C2CD3: variants seen among roughly 807,000 people sequenced by gnomAD.
C2CD3 encodes C2 domain containing 3 centriole elongation regulator.
Under a neutral mutation model 234.0 loss-of-function variants are expected in C2CD3, and 148 were observed. That is an observed-to-expected ratio of 0.63 (90% confidence interval 0.55 to 0.72). C2CD3 has a LOEUF of 0.72. Ranked by LOEUF, C2CD3 falls within the 30% of genes least tolerant of loss-of-function variation. C2CD3 has a pLI of 0.00. For synonymous variants in C2CD3, 1,000 were observed against 1,035.4 expected (o/e 0.97, Z 0.66); for missense variants, 2,577 against 2,811.5 (o/e 0.92, Z 1.89).
chr11:74,116,977 T>TGTAC (rs1956984198), intron 9 of C2CD3, among the ~76,000 whole-genome samples: 3 of 122,416 alleles, frequency 2.5e-5, no homozygotes, highest in African/African-American at 9.2e-5. Context: ...CATATACACG[T>TGTAC]ATATATACAC....
At chr11:74,091,827 C>T (rs1955903708) in intron 19 of C2CD3, among the ~76,000 whole-genome samples, 1 of 152,046 alleles carries the variant, frequency 6.6e-6, no homozygotes, top group Admixed American at 6.6e-5. Flanking sequence ...AGACAAGCAA[C>T]ATTTACATAG....
In C2CD3 at chr11:74,026,783, C is replaced by A. The variant is rs536963433; in HGVS notation, c.6921+1504G>T. On this transcript the variant is annotated intron_variant, in intron 32 of 32. Transcript: ENST00000334126. ...AAGAGATTGAGACCATCCTGGCCAACATGGTGAAACCCTGTCTCTACTAAA... is the reference window on the plus strand; with the variant it reads ...AAGAGATTGAGACCATCCTGGCCAAAATGGTGAAACCCTGTCTCTACTAAA... 1.4e-3 allele frequency among the ~76,000 whole-genome samples: 206 copies of A among 152,026 alleles called. 1 individual carries two copies. Among genetic ancestry groups the A allele is most frequent in the African/African-American group, 4.4e-3 (182 of 41,448 alleles).
At chr11:74,150,087 C>A (rs546929124) in intron 3 of C2CD3, among the ~76,000 whole-genome samples, 4 of 151,252 alleles carry the variant, frequency 2.6e-5, no homozygotes, top group African/African-American at 9.7e-5. Context: ...TAAAATGTCA[C>A]AATGATATAA....
chr11:74,034,003 T>A lies in C2CD3; in HGVS notation c.6157A>T (p.Thr2053Ser). The change falls in exon 31 of 33, where the codon ACT becomes TCT. Residue 2053 changes from threonine (T) to serine (S), a missense_variant. Coordinates refer to ENST00000334126, the MANE Select transcript of C2CD3 (RefSeq NM_001286577.2). The part of the protein sequence containing the change: ...PITRMQSSED[T>S]EAGPAYSDED... ...TCACTGTAGGCTGGGCCTGCCTCAG[T>A]GTCTTCACTGCTCTGCATCCTTGTA... The A allele has an allele frequency of 6.5e-7, 1 of 1,536,542 alleles. No individual in the cohort carries two copies. The highest frequency in any genetic ancestry group is 8.7e-7 in the Non-Finnish European group (1 of 1,146,998).
rs987254586 is a variant in C2CD3 at position 74,055,677 on chromosome 11, C to T, written c.5091-1006G>A. 2.0e-5 allele frequency among the ~76,000 whole-genome samples: 3 copies of T among 152,332 alleles called. No homozygotes were observed. The East Asian group carries it at 5.8e-4, about 29-fold the overall frequency. ...GGCCATGCACTTAGCTTCTTCCAGG[C>T]CTGGTTCTCTTACCTGTTAAATGGG... is the stretch of plus-strand genomic sequence containing the variant. On this transcript the variant is annotated intron_variant, in intron 25 of 32. Coordinates refer to ENST00000334126, the MANE Select transcript of C2CD3 (RefSeq NM_001286577.2).
intron 5 of C2CD3, among the ~76,000 whole-genome samples, chr11:74,137,762 T>A (rs1240162953): frequency 6.6e-6 from 1 of 151,750 alleles, no homozygotes; most frequent in Admixed American, 6.6e-5. Flanking sequence ...TTTTTTGTAT[T>A]TTTAGTAGAG....
intron 3 of C2CD3, among the ~76,000 whole-genome samples, chr11:74,154,765 C>T (rs1855899753): frequency 6.6e-6 from 1 of 151,952 alleles, no homozygotes; most frequent in Admixed American, 6.6e-5. Flanking sequence ...GGTGATGAGC[C>T]AGATTTGGCT....
Position 74,085,868 on chromosome 11 carries a change from T to C in C2CD3, c.3660A>G (p.Glu1220=). Residue 1220 remains glutamate (E), a synonymous_variant, in exon 21 of 33, where the codon GAA becomes GAG. Coordinates refer to ENST00000334126, the MANE Select transcript of C2CD3 (RefSeq NM_001286577.2). The stretch of plus-strand genomic sequence containing the variant: ...CTGTGGCACTAAACTGTAGAGCGGG[T>C]TCCCGTTCAGCCAAAGCCCTGTAGA... ...QAAAKALAER[E]PALQFSATVG... The C allele has an allele frequency of 6.2e-7, 1 of 1,613,186 alleles. No individual in the cohort carries two copies. The highest frequency in any genetic ancestry group is 8.5e-7 in the Non-Finnish European group (1 of 1,179,330).
intron 10 of C2CD3, 50 bp from the exon 11 acceptor site, chr11:74,113,942 T>C (rs758782956): frequency 4.5e-6 from 5 of 1,106,592 alleles, no homozygotes; most frequent in Non-Finnish European, 6.6e-6. Context: ...ATAAACCTAA[T>C]TTCCGTCTGA....
chr11:74,159,548 TA>T (rs894504162), intron 3 of C2CD3, among the ~76,000 whole-genome samples: 52 of 150,014 alleles, frequency 3.5e-4, no homozygotes, highest in Middle Eastern at 3.4e-3. Flanking sequence ...TTTAAAGAGT[TA>T]AAAAAAAATG....
At chr11:74,062,562 T>TTC (rs1954297331) in intron 24 of C2CD3, among the ~76,000 whole-genome samples, 2 of 152,148 alleles carry the variant, frequency 1.3e-5, no homozygotes, top group South Asian at 4.1e-4. Flanking sequence ...AATAAAGATG[T>TTC]TCTTTGAAAC....
chr11:74,116,876 A>ATATGTGTATATACACGTGTATATGTG (rs1956960490), intron 9 of C2CD3, among the ~76,000 whole-genome samples: 1 of 132,140 alleles, frequency 7.6e-6, no homozygotes, highest in African/African-American at 2.8e-5. Context: ...GTGTATATGT[A>ATATGTGTATATACACGTGTATATGTG]TATATACACA....
chr11:74,148,432 A>ATG (rs1476292467), intron 3 of C2CD3, among the ~76,000 whole-genome samples: 32 of 151,702 alleles, frequency 2.1e-4, no homozygotes, highest in Admixed American at 2.0e-3. Context: ...TATACCTTAT[A>ATG]TGTGTGTATA....
chr11:74,116,975 C>CGTATATACACACATATACGTGTATAT (rs1956983615), intron 9 of C2CD3, among the ~76,000 whole-genome samples: 1 of 70,770 alleles, frequency 1.4e-5, no homozygotes, highest in Non-Finnish European at 3.8e-5. Context: ...CACATATACA[C>CGTATATACACACATATACGTGTATAT]GTATATATAC....
In C2CD3 at chr11:74,090,705, G is replaced by A. The variant is rs988147078; in HGVS notation, c.3641+108C>T. On this transcript the variant is annotated intron_variant, in intron 20 of 32. Coordinates refer to ENST00000334126, the MANE Select transcript of C2CD3 (RefSeq NM_001286577.2). ...TATTAACAGAAAAAGAGGAGTTGTG[G>A]TTAGTGAACTGGAAATTATACCTAA... is the stretch of plus-strand genomic sequence containing the variant. 7.6e-6 allele frequency: 9 copies of A among 1,179,918 alleles called. No homozygotes were observed. The African/African-American group carries it at 1.2e-4, about 16-fold the overall frequency. The allele number at this position is 1,179,918 out of a possible 1,614,324, so 73.1% of individuals were successfully genotyped here.
Position 74,067,289 on chromosome 11 carries a change from G to A in C2CD3, c.4951+6964C>T, listed in dbSNP as rs374106836. ...AGCCTTGGAAGGAAGATCTAGTGGCGTCCACAAAGCAGGAGAGAACTGAGG... is the reference window on the plus strand; with the variant it reads ...AGCCTTGGAAGGAAGATCTAGTGGCATCCACAAAGCAGGAGAGAACTGAGG... On this transcript the variant is annotated intron_variant, in intron 24 of 32. Transcript: ENST00000334126. Among the ~76,000 whole-genome samples the A allele has an allele frequency of 3.9e-5, 6 of 152,112 alleles. No individual in the cohort carries two copies. In the East Asian group the frequency reaches 7.7e-4, roughly 20 times the overall value.
At chr11:74,048,464 CT>C in intron 27 of C2CD3, 126 bp from the exon 28 acceptor site, 2 of 851,730 alleles carry the variant, frequency 2.3e-6, no homozygotes, top group Admixed American at 5.6e-5. Flanking sequence ...GTGTTAAACA[CT>C]GTGCTAAACA....
At chr11:74,048,162 A>G (rs1417313465) in intron 28 of C2CD3, 43 bp downstream of exon 28, 1 of 1,600,218 alleles carries the variant, frequency 6.2e-7, no homozygotes, top group Admixed American at 1.7e-5. Flanking sequence ...ACACACTTCC[A>G]TTTTTTAACC....
chr11:74,015,438 C>T (rs978308535), intron 32 of C2CD3, among the ~76,000 whole-genome samples: 7 of 152,198 alleles, frequency 4.6e-5, no homozygotes, highest in Non-Finnish European at 7.3e-5. Context: ...TCCCAAGATC[C>T]AAGATGGCTG....
Sources: gnomAD v4.1 joint callset for allele counts (sites outside exome capture counted in the v4.1 genomes callset) on GRCh38, gnomAD v4.1.1 for gene constraint, MANE v1.5 for transcripts, NCBI Gene and HGNC (gene_info 2026-07-23, HGNC 2026-07-21) for gene names.